The following PCSK2 variants were observed in gnomAD, a reference collection of about 807,000 sequenced individuals.
PCSK2 encodes the protein proprotein convertase subtilisin/kexin type 2, also known as neuroendocrine convertase 2.
A neutral mutation model predicts 69.7 loss-of-function variants in PCSK2; 14 were observed. The observed-to-expected ratio is 0.20, with a 90% CI of 0.13 to 0.31. The LOEUF is 0.31. PCSK2 is among the 10% of genes least tolerant of loss of function. PCSK2 has a pLI of 1.00. For missense variants in PCSK2, 544 were observed against 842.5 expected, an observed-to-expected ratio of 0.65 and a Z score of 4.39; for synonymous variants, 307 against 320.7, an observed-to-expected ratio of 0.96 and a Z score of 0.46.
chr20:17,400,760 C>A (rs1176019028), intron 5 of PCSK2, among the ~76,000 whole-genome samples: 1 of 152,158 alleles, frequency 6.6e-6, no homozygotes, highest in African/African-American at 2.4e-5. Flanking sequence ...CAAATGGGAG[C>A]CCACTATCCA....
intron 2 of PCSK2, among the ~76,000 whole-genome samples, chr20:17,285,179 A>G (rs1434740248): frequency 2.0e-5 from 3 of 152,216 alleles, no homozygotes. Context: ...GATGGCTTCA[A>G]GAAGGGTTGA....
chr20:17,305,280 C>T (rs1008658872), intron 2 of PCSK2, among the ~76,000 whole-genome samples: 11 of 152,002 alleles, frequency 7.2e-5, no homozygotes, highest in Non-Finnish European at 1.5e-4. Context: ...AAGATTCTGT[C>T]GCTTTTCTGA....
chr20:17,384,116 A>T (rs1337126155), intron 5 of PCSK2, among the ~76,000 whole-genome samples: 1 of 152,198 alleles, frequency 6.6e-6, no homozygotes, highest in East Asian at 1.9e-4. Flanking sequence ...ATTGTGTCCT[A>T]TAAGCAACAA....
chr20:17,407,663 C>T (rs975649733), intron 5 of PCSK2, among the ~76,000 whole-genome samples: 2 of 152,084 alleles, frequency 1.3e-5, no homozygotes, highest in African/African-American at 4.8e-5. Flanking sequence ...ACACGGATTG[C>T]GGGCCAGATA....
At chr20:17,476,842 T>C (rs1039588480) in intron 11 of PCSK2, among the ~76,000 whole-genome samples, 3 of 152,220 alleles carry the variant, frequency 2.0e-5, no homozygotes, top group African/African-American at 7.2e-5. Context: ...ATCCAGGTTA[T>C]GGCCCTCATT....
At chr20:17,327,982 G>T (rs1546891) in intron 2 of PCSK2, among the ~76,000 whole-genome samples, 12,498 of 152,154 alleles carry the variant, frequency 0.082, 585 homozygotes, top group African/African-American at 0.12. Context: ...TTGCTAAGCG[G>T]CTGTGTTTGT....
At chr20:17,295,550 A>ATATT (rs917529969) in intron 2 of PCSK2, among the ~76,000 whole-genome samples, 29 of 145,526 alleles carry the variant, frequency 2.0e-4, no homozygotes, top group Non-Finnish European at 3.0e-4. Flanking sequence ...TATATTATAT[A>ATATT]TATTTATTTA....
At chr20:17,421,806 G>GA (rs1568642567) in intron 6 of PCSK2, among the ~76,000 whole-genome samples, 6 of 23,522 alleles carry the variant, frequency 2.6e-4, no homozygotes, top group East Asian at 1.7e-3. Flanking sequence ...AGGAAGAGAG[G>GA]TAAAAAAAAA....
chr20:17,261,734 A>G (rs1344981147), intron 2 of PCSK2, among the ~76,000 whole-genome samples: 1 of 152,192 alleles, frequency 6.6e-6, no homozygotes, highest in African/African-American at 2.4e-5. Context: ...CCCTGAACCC[A>G]AGGTGGGCAC....
chr20:17,431,998 G>A (rs1185570994), intron 7 of PCSK2, among the ~76,000 whole-genome samples: 1 of 152,120 alleles, frequency 6.6e-6, no homozygotes, highest in Non-Finnish European at 1.5e-5. Flanking sequence ...TTACAGGTTA[G>A]GGGGGCGCCC....
At chr20:17,420,974 A>C (rs1430921155) in intron 6 of PCSK2, among the ~76,000 whole-genome samples, 2 of 152,236 alleles carry the variant, frequency 1.3e-5, no homozygotes, top group East Asian at 1.9e-4. Context: ...GCTAAGTCAA[A>C]GATTATTCAA....
chr20:17,226,608 G>A (rs1985912257), upstream of PCSK2, among the ~76,000 whole-genome samples: 1 of 151,818 alleles, frequency 6.6e-6, no homozygotes, highest in African/African-American at 2.4e-5. Flanking sequence ...CGGCGCCCCT[G>A]CTCCCCTCGG....
At chr20:17,400,678 T>G (rs1338827038) in intron 5 of PCSK2, among the ~76,000 whole-genome samples, 1 of 152,188 alleles carries the variant, frequency 6.6e-6, no homozygotes, top group Non-Finnish European at 1.5e-5. Context: ...GGCAAAGTAC[T>G]GTAAAAAGAC....
chr20:17,398,499 G>A (rs999149890), intron 5 of PCSK2, among the ~76,000 whole-genome samples: 2 of 145,606 alleles, frequency 1.4e-5, no homozygotes, highest in African/African-American at 5.1e-5. Context: ...ATTCTAGCCT[G>A]GGTTACAGAG....
intron 6 of PCSK2, among the ~76,000 whole-genome samples, chr20:17,426,815 T>C (rs1159879153): frequency 6.6e-6 from 1 of 152,260 alleles, no homozygotes; most frequent in Non-Finnish European, 1.5e-5. Context: ...ACGCACATTA[T>C]GGAGGACAAG....
chr20:17,428,364 T>G (rs757312267), intron 6 of PCSK2, among the ~76,000 whole-genome samples: 4 of 152,080 alleles, frequency 2.6e-5, no homozygotes, highest in Non-Finnish European at 4.4e-5. Context: ...TATGTAGCCT[T>G]TATGGAGGCA....
In PCSK2 at chr20:17,233,112, C is replaced by A. The variant is rs547905854; in HGVS notation, c.177+5630C>A. Among the ~76,000 whole-genome samples the A allele has an allele frequency of 2.6e-5, 4 of 152,242 alleles. No homozygotes were observed. In the South Asian group the frequency reaches 8.3e-4, roughly 32 times the overall value. On this transcript the variant is annotated intron_variant, in intron 1 of 11. Coordinates refer to ENST00000262545, the MANE Select transcript of PCSK2 (RefSeq NM_002594.5). ...ATCAGAACGCTCACTGTCCCCAATA[C>A]ACCTCTTGTGGCTGAAGAAAATGAG...
At chr20:17,382,940 T>C (rs922699142) in intron 5 of PCSK2, among the ~76,000 whole-genome samples, 1 of 152,310 alleles carries the variant, frequency 6.6e-6, no homozygotes, top group Admixed American at 6.5e-5. Flanking sequence ...TCTCAACTTA[T>C]ATTGCACACC....
At position 17,441,023 on chromosome 20, in the gene PCSK2, C is replaced by A. The variant is rs149430103; in HGVS notation, c.885+4140C>A. On this transcript the variant is annotated intron_variant, in intron 8 of 11. Transcript: ENST00000262545. ...AAGCCACAGGAGGGCTCTGCGGTCA[C>A]GGGGCTAGGCCACACTCACCCTGTT... 3.0e-3 allele frequency among the ~76,000 whole-genome samples: 462 copies of A among 152,300 alleles called. 3 individuals are homozygous for A. The highest frequency in any genetic ancestry group is 0.011 in the African/African-American group (446 of 41,574).
Sources: gnomAD v4.1 joint callset for allele counts (sites outside exome capture counted in the v4.1 genomes callset) on GRCh38, gnomAD v4.1.1 for gene constraint, MANE v1.5 for transcripts, NCBI Gene and HGNC (gene_info 2026-07-23, HGNC 2026-07-21) for gene names.